Variants in FOXP2 observed in about 807,000 individuals in gnomAD.
The protein encoded by FOXP2 is forkhead box protein P2.
FOXP2 carries 12 observed loss-of-function variants against 115.8 expected under a neutral mutation model. The observed-to-expected ratio is 0.10, with a 90% CI of 0.07 to 0.17. The LOEUF is 0.17. Among genes scored for constraint, FOXP2 ranks in the 10% least tolerant of loss-of-function variants. The probability of loss-of-function intolerance (pLI) is 1.00; values close to 1 mark genes in which losing one functional copy is unlikely to be tolerated. For missense variants in FOXP2, 629 were observed against 843.5 expected (o/e 0.75, Z 3.15); for synonymous variants, 328 against 297.7 (o/e 1.10, Z -1.05).
intron 2 of FOXP2, among the ~76,000 whole-genome samples, chr7:114,292,854 CCTT>C (rs1796641717): frequency 6.6e-6 from 1 of 152,124 alleles, no homozygotes; most frequent in Non-Finnish European, 1.5e-5. Flanking sequence ...ATGTAAAACA[CCTT>C]CTTGATTTAG....
At chr7:114,325,316 T>C (rs992166898) in intron 2 of FOXP2, among the ~76,000 whole-genome samples, 5 of 151,934 alleles carry the variant, frequency 3.3e-5, no homozygotes, top group Admixed American at 2.6e-4. Context: ...AAATTCCATA[T>C]AGTCTTCCAT....
At chr7:114,360,076 G>A (rs1215838859) in intron 2 of FOXP2, among the ~76,000 whole-genome samples, 4 of 152,050 alleles carry the variant, frequency 2.6e-5, no homozygotes, top group Non-Finnish European at 4.4e-5. Flanking sequence ...GGATGCGGTG[G>A]GAGGTAATTG....
chr7:114,541,497 T>C (rs893347808), intron 3 of FOXP2, among the ~76,000 whole-genome samples: 1 of 152,044 alleles, frequency 6.6e-6, no homozygotes, highest in Non-Finnish European at 1.5e-5. Context: ...GCATAAACAC[T>C]GTTTAGTTGA....
At chr7:114,299,028 A>G (rs534196013) in intron 2 of FOXP2, among the ~76,000 whole-genome samples, 35 of 152,278 alleles carry the variant, frequency 2.3e-4, no homozygotes, top group African/African-American at 8.4e-4. Context: ...ATACTTTAAA[A>G]TTTTAGTAGG....
At chr7:114,616,064 T>G (rs1397636523) in intron 3 of FOXP2, among the ~76,000 whole-genome samples, 2 of 152,232 alleles carry the variant, frequency 1.3e-5, no homozygotes, top group Non-Finnish European at 2.9e-5. Flanking sequence ...ATATACCCTT[T>G]GCAAGGACAG....
chr7:114,412,703 C>T (rs1793194819), upstream of FOXP2, among the ~76,000 whole-genome samples: 2 of 152,232 alleles, frequency 1.3e-5, no homozygotes, highest in South Asian at 4.1e-4. Context: ...CTGTGTGAAA[C>T]TGTTGCCTAC....
chr7:114,653,812 T>C, intron 9 of FOXP2, 114 bp from the exon 10 acceptor site: 1 of 1,190,648 alleles, frequency 8.4e-7, no homozygotes, highest in Non-Finnish European at 1.2e-6. Context: ...ACGCAGACTT[T>C]TACATGCAGG....
intron 2 of FOXP2, among the ~76,000 whole-genome samples, chr7:114,511,320 G>A (rs1206747656): frequency 6.6e-6 from 1 of 152,040 alleles, no homozygotes; most frequent in Non-Finnish European, 1.5e-5. Flanking sequence ...AAGCCTGCAC[G>A]TTCTGTACAT....
chr7:114,304,409 T>C (rs1194820557), intron 2 of FOXP2, among the ~76,000 whole-genome samples: 1 of 152,002 alleles, frequency 6.6e-6, no homozygotes. Context: ...TGGTGACTCA[T>C]GCCTGTAATT....
At chr7:114,570,780 AC>A in intron 3 of FOXP2, 2 of 1,590,178 alleles carry the variant, frequency 1.3e-6, no homozygotes, top group Non-Finnish European at 1.7e-6. Context: ...AAAAAAGCCA[AC>A]TCCTGATTCT....
chr7:114,674,685 T>A (rs1302977533), intron 16 of FOXP2, among the ~76,000 whole-genome samples: 1 of 152,160 alleles, frequency 6.6e-6, no homozygotes, highest in African/African-American at 2.4e-5. Flanking sequence ...AAGAACATCT[T>A]TTTTCATTTC....
intron 3 of FOXP2, among the ~76,000 whole-genome samples, chr7:114,618,378 A>T (rs1426175789): frequency 6.6e-6 from 1 of 152,234 alleles, no homozygotes; most frequent in Non-Finnish European, 1.5e-5. Context: ...GAAACAGAGA[A>T]TGGAGACTAA....
intron 3 of FOXP2, among the ~76,000 whole-genome samples, chr7:114,597,990 C>T (rs1802816719): frequency 6.6e-6 from 1 of 152,130 alleles, no homozygotes; most frequent in South Asian, 2.1e-4. Flanking sequence ...CAGGAACTAA[C>T]ACTACTTCAT....
chr7:114,327,259 A>G (rs554917582), intron 2 of FOXP2, among the ~76,000 whole-genome samples: 70 of 152,356 alleles, frequency 4.6e-4, no homozygotes, highest in Non-Finnish European at 9.8e-4. Context: ...GGTGGAACAC[A>G]TTTATTCAGA....
intron 2 of FOXP2, among the ~76,000 whole-genome samples, chr7:114,498,667 A>C (rs1022058357): frequency 2.0e-5 from 3 of 152,234 alleles, no homozygotes; most frequent in African/African-American, 7.2e-5. Context: ...CTAATTAATA[A>C]CAGAAAAATA....
chr7:114,616,267 A>T, intron 3 of FOXP2, among the ~76,000 whole-genome samples: 1 of 151,994 alleles, frequency 6.6e-6, no homozygotes, highest in Non-Finnish European at 1.5e-5. Flanking sequence ...GGTTCAAGCG[A>T]TTCTCCTGCC....
intron 1 of FOXP2, among the ~76,000 whole-genome samples, chr7:114,134,056 T>C (rs1038877147): frequency 6.6e-6 from 1 of 152,126 alleles, no homozygotes; most frequent in African/African-American, 2.4e-5. Context: ...ACTTGAGAAG[T>C]GTGGTATCCT....
intron 2 of FOXP2, among the ~76,000 whole-genome samples, chr7:114,521,175 G>T (rs995972546): frequency 6.6e-6 from 1 of 152,066 alleles, no homozygotes; most frequent in Non-Finnish European, 1.5e-5. Context: ...GATGTACATG[G>T]ATATTAGTAA....
At chr7:114,199,246 G>A (rs1237915560) in intron 1 of FOXP2, among the ~76,000 whole-genome samples, 3 of 152,126 alleles carry the variant, frequency 2.0e-5, no homozygotes, top group Non-Finnish European at 2.9e-5. Flanking sequence ...TGTTTTGGTT[G>A]AATGTCTGAG....
Sources: gnomAD v4.1 joint callset for allele counts (sites outside exome capture counted in the v4.1 genomes callset) on GRCh38, gnomAD v4.1.1 for gene constraint, MANE v1.5 for transcripts, NCBI Gene and HGNC (gene_info 2026-07-23, HGNC 2026-07-21) for gene names.